Variants in GRIK2 observed in about 807,000 individuals in gnomAD.
The protein encoded by GRIK2 is glutamate ionotropic receptor kainate type subunit 2, also known as glutamate receptor ionotropic, kainate 2.
In GRIK2, 32 loss-of-function variants were observed where a neutral mutation model predicts 100.3. The ratio of observed to expected loss-of-function variants is 0.32; its 90% CI spans 0.24 to 0.43. The LOEUF (loss-of-function observed/expected upper bound fraction) is 0.43. Ranked by LOEUF, GRIK2 falls within the 20% of genes least tolerant of loss-of-function variation. The pLI is 1.00. For missense variants in GRIK2, 843 were observed against 1,114.9 expected (o/e 0.76, Z 3.47); for synonymous variants, 417 against 389.4 (o/e 1.07, Z -0.83).
At chr6:101,753,241 C>T (rs1440453573) in intron 7 of GRIK2, among the ~76,000 whole-genome samples, 2 of 149,394 alleles carry the variant, frequency 1.3e-5, no homozygotes, top group Admixed American at 6.7e-5. Flanking sequence ...CGAGATCTTG[C>T]CACTGCACTC....
At chr6:101,571,944 A>C (rs1413217614) in intron 2 of GRIK2, among the ~76,000 whole-genome samples, 1 of 152,176 alleles carries the variant, frequency 6.6e-6, no homozygotes, top group African/African-American at 2.4e-5. Flanking sequence ...CAAAACAGAA[A>C]AAAGGTGGAA....
intron 13 of GRIK2, among the ~76,000 whole-genome samples, chr6:101,927,517 C>G (rs927917006): frequency 4.6e-5 from 7 of 151,960 alleles, no homozygotes; most frequent in Non-Finnish European, 8.8e-5. Context: ...TTTATTTAAG[C>G]ATTAAGAATA....
chr6:101,553,527 AT>A (rs775035824), intron 2 of GRIK2, among the ~76,000 whole-genome samples: 9 of 152,232 alleles, frequency 5.9e-5, no homozygotes, highest in Non-Finnish European at 1.2e-4. Context: ...TATGAAAAAA[AT>A]ACCACCATCA....
chr6:102,058,360 A>G (rs1375366210), intron 16 of GRIK2, among the ~76,000 whole-genome samples: 1 of 151,752 alleles, frequency 6.6e-6, no homozygotes, highest in Non-Finnish European at 1.5e-5. Flanking sequence ...TTGTCTATCT[A>G]TTTACCTACC....
chr6:101,686,909 T>TAACTTAGTTGTTTATGCCAAAC (rs1771741881), intron 7 of GRIK2, among the ~76,000 whole-genome samples: 1 of 152,086 alleles, frequency 6.6e-6, no homozygotes, highest in Admixed American at 6.6e-5. Context: ...TATTCTTATA[T>TAACTTAGTTGTTTATGCCAAAC]AACTTAGTTG....
At chr6:102,042,471 A>C (rs1303474731) in intron 15 of GRIK2, among the ~76,000 whole-genome samples, 1 of 151,710 alleles carries the variant, frequency 6.6e-6, no homozygotes, top group African/African-American at 2.4e-5. Flanking sequence ...TTATTAGTGC[A>C]GGGACTTAGA....
rs1272314668 is a variant in GRIK2, at chr6:101,889,655, G to A, written c.1540G>A (p.Val514Ile). The change falls in exon 12 of 17, where the codon GTT (valine) becomes ATT (isoleucine). Residue 514 changes from valine to isoleucine, a missense_variant. Coordinates refer to ENST00000369134, the MANE Select transcript of GRIK2 (RefSeq NM_021956.5). ...ELIDHKADLA[V>I]APLAITYVRE... ...CTGTCTACAGAAAGCTGACCTTGCA[G>A]TTGCTCCACTGGCTATTACCTATGT... 6.5e-7 allele frequency: 1 copy of A among 1,528,744 alleles called. No homozygotes were observed. The highest frequency in any genetic ancestry group is 9.0e-7 in the Non-Finnish European group (1 of 1,117,088). The allele number at this position is 1,528,744 out of a possible 1,614,324, so 94.7% of individuals were successfully genotyped here.
At chr6:101,598,655 G>GA (rs1011922573) in intron 2 of GRIK2, among the ~76,000 whole-genome samples, 25 of 137,690 alleles carry the variant, frequency 1.8e-4, no homozygotes, top group African/African-American at 5.0e-4. Flanking sequence ...AAACCAAAAG[G>GA]AAAAAAAAGT....
intron 12 of GRIK2, among the ~76,000 whole-genome samples, chr6:101,919,205 C>G (rs1398890596): frequency 6.6e-6 from 1 of 151,536 alleles, no homozygotes. Context: ...TGATGCATAA[C>G]TTAATATGAG....
At position 101,491,176 on chromosome 6, in the gene GRIK2, A is replaced by G. The variant is rs2128267073; in HGVS notation, c.115+91784A>G. On this transcript the variant is annotated intron_variant, in intron 2 of 16. Coordinates refer to ENST00000369134, the MANE Select transcript of GRIK2 (RefSeq NM_021956.5). ...CTGTAACCTCAAGTGGCTAATATGA[A>G]TGAATGAGGAAAAGAAGAAGTAAAA... 1.3e-5 allele frequency among the ~76,000 whole-genome samples: 2 copies of G among 151,546 alleles called. 1 individual carries two copies.
At chr6:101,791,588 TC>T (rs1779860907) in intron 7 of GRIK2, among the ~76,000 whole-genome samples, 1 of 148,090 alleles carries the variant, frequency 6.8e-6, no homozygotes, top group South Asian at 2.1e-4. Context: ...TGTTATAATT[TC>T]TTTTTTTTTA....
At chr6:101,680,044 C>G (rs565950198) in intron 5 of GRIK2, among the ~76,000 whole-genome samples, 4 of 152,038 alleles carry the variant, frequency 2.6e-5, no homozygotes, top group Non-Finnish European at 5.9e-5. Context: ...GGCCTCCCAG[C>G]GTTTTCTACG....
chr6:101,890,903 T>C (rs1034583018), intron 12 of GRIK2, among the ~76,000 whole-genome samples: 40 of 151,478 alleles, frequency 2.6e-4, no homozygotes, highest in African/African-American at 9.4e-4. Context: ...ATCAAAAAGA[T>C]AACTCTGAAT....
At chr6:101,561,058 G>A (rs1776986965) in intron 2 of GRIK2, among the ~76,000 whole-genome samples, 1 of 152,156 alleles carries the variant, frequency 6.6e-6, no homozygotes, top group Non-Finnish European at 1.5e-5. Context: ...ACAAAAGATA[G>A]CAAACATAGA....
intron 7 of GRIK2, among the ~76,000 whole-genome samples, chr6:101,722,053 T>C (rs1366304199): frequency 6.6e-6 from 1 of 152,008 alleles, no homozygotes; most frequent in African/African-American, 2.4e-5. Flanking sequence ...AATGAAGTGA[T>C]GTTTCTACTT....
chr6:101,395,725 C>T lies in GRIK2; in HGVS notation c.-294+1888C>T, dbSNP rs1051784803. 2.0e-5 allele frequency among the ~76,000 whole-genome samples: 3 copies of T among 152,096 alleles called. No homozygotes were observed. The East Asian group carries it at 5.8e-4, about 29-fold the overall frequency. ...AGAAGCTTTGCATTAACATGATATG[C>T]ATTTTCTTCTTTGTCAATTTATCAT... On this transcript the variant is annotated intron_variant, in intron 1 of 16. Coordinates refer to ENST00000369134, the MANE Select transcript of GRIK2 (RefSeq NM_021956.5).
intron 10 of GRIK2, among the ~76,000 whole-genome samples, chr6:101,836,433 A>C (rs976373964): frequency 6.6e-6 from 1 of 151,798 alleles, no homozygotes; most frequent in Non-Finnish European, 1.5e-5. Context: ...TGATATTTAA[A>C]AACGTAAAAT....
chr6:101,842,359 T>A (rs1376027191), intron 10 of GRIK2, among the ~76,000 whole-genome samples: 1 of 152,176 alleles, frequency 6.6e-6, no homozygotes, highest in African/African-American at 2.4e-5. Flanking sequence ...CATACCTTTT[T>A]CTGGTGGTTT....
intron 14 of GRIK2, among the ~76,000 whole-genome samples, chr6:101,988,128 TGTGTGCGCGCGCGCGC>T (rs1193305645): frequency 5.0e-5 from 1 of 20,168 alleles, no homozygotes; most frequent in African/African-American, 1.5e-4. Flanking sequence ...TGTGTGTGTG[TGTGTGCGCGCGCGCGC>T]GCGCGCGCGC....
Sources: gnomAD v4.1 joint callset for allele counts (sites outside exome capture counted in the v4.1 genomes callset) on GRCh38, gnomAD v4.1.1 for gene constraint, MANE v1.5 for transcripts, NCBI Gene and HGNC (gene_info 2026-07-23, HGNC 2026-07-21) for gene names.